Variants in MLF1 observed in about 807,000 individuals in gnomAD.
MLF1 encodes myeloid leukemia factor 1, also known as myelodysplasia-myeloid leukemia factor 1.
MLF1 carries 37 observed loss-of-function variants against 38.3 expected under a neutral mutation model. The ratio of observed to expected loss-of-function variants is 0.96; its 90% CI spans 0.74 to 1.27. MLF1 has a LOEUF of 1.27. MLF1 is among the 50% of genes most tolerant of loss of function. The pLI is 0.00. For synonymous variants in MLF1, 95 were observed against 106.5 expected, an observed-to-expected ratio of 0.89 and a Z score of 0.66; for missense variants, 331 against 349.2, an observed-to-expected ratio of 0.95 and a Z score of 0.42.
chr3:158,575,564 A>G (rs191697059), intron 1 of MLF1, among the ~76,000 whole-genome samples: 149 of 152,288 alleles, frequency 9.8e-4, no homozygotes, highest in Non-Finnish European at 1.2e-3. Flanking sequence ...AAAGGTGACA[A>G]ACTCCTTAAT....
At chr3:158,592,360 T>G in intron 1 of MLF1, 74 bp from the exon 2 acceptor site, 1 of 1,296,974 alleles carries the variant, frequency 7.7e-7, no homozygotes, top group Admixed American at 2.4e-5. Flanking sequence ...AATAATTATT[T>G]GTAATATTTA....
chr3:158,579,535 C>A (rs1261123865), intron 1 of MLF1, among the ~76,000 whole-genome samples: 2 of 152,154 alleles, frequency 1.3e-5, no homozygotes, highest in African/African-American at 2.4e-5. Flanking sequence ...ATTTGCTGAA[C>A]ATACACATAT....
At chr3:158,599,264 T>G (rs1247346217) in intron 5 of MLF1, among the ~76,000 whole-genome samples, 3 of 152,190 alleles carry the variant, frequency 2.0e-5, no homozygotes, top group African/African-American at 7.2e-5. Context: ...TATGTGTACT[T>G]TCCTCTTTAC....
At chr3:158,590,220 C>T (rs749502971) in intron 1 of MLF1, among the ~76,000 whole-genome samples, 7 of 152,136 alleles carry the variant, frequency 4.6e-5, no homozygotes, top group Non-Finnish European at 7.4e-5. Flanking sequence ...TTTGAAAAGA[C>T]GGTTCTATCA....
chr3:158,572,335 A>G, intron 1 of MLF1, among the ~76,000 whole-genome samples: 1 of 115,196 alleles, frequency 8.7e-6, no homozygotes, highest in African/African-American at 3.6e-5. Flanking sequence ...AAGTGCAGGG[A>G]CGAGGGTTGA....
At chr3:158,602,743 G>T (rs1288783427) in intron 6 of MLF1, 64 bp from the exon 7 acceptor site, 5 of 1,515,932 alleles carry the variant, frequency 3.3e-6, no homozygotes, top group Non-Finnish European at 4.5e-6. Context: ...ATATGTGGGA[G>T]CAAGGCAGTT....
At chr3:158,604,950 C>A in intron 7 of MLF1, 147 bp from the exon 8 acceptor site, 1 of 626,886 alleles carries the variant, frequency 1.6e-6, no homozygotes, top group Non-Finnish European at 2.7e-6. Context: ...GCCACCGCAC[C>A]TGGCCAGCCT....
intron 2 of MLF1, 46 bp from the exon 3 acceptor site, chr3:158,593,336 A>G (rs1248234754): frequency 9.2e-6 from 13 of 1,410,926 alleles, no homozygotes; most frequent in African/African-American, 5.7e-5. Flanking sequence ...AGAAACTTCT[A>G]TATAATAAAT....
chr3:158,578,910 C>G (rs553779632), intron 1 of MLF1, among the ~76,000 whole-genome samples: 2 of 152,030 alleles, frequency 1.3e-5, no homozygotes, highest in Non-Finnish European at 2.9e-5. Flanking sequence ...TTCCAAAATT[C>G]GGACCACACT....
chr3:158,605,143 AAT>A lies in MLF1; in HGVS notation c.794_795del (p.Asn265SerfsTer35), dbSNP rs1386118165. 3.1e-6 allele frequency: 5 copies of A among 1,613,820 alleles called. No individual in the cohort carries two copies. In the African/African-American group the frequency reaches 6.7e-5, roughly 22 times the overall value. Reference protein sequence around the residue: ...SPAIEHGRRSNVLGDKLHIKG... With the variant: ...SPAIEHGRRSXVLGDKLHIKG... The stretch of plus-strand genomic sequence containing the variant: ...AGCCATTGAACATGGAAGGAGATCA[AAT>A]GTTTTGGGGGACAAACTCCACATCA... On this transcript the variant is annotated frameshift_variant, in exon 8 of 8. Transcript: ENST00000466246. LOFTEE classifies it high-confidence loss of function.
intron 1 of MLF1, among the ~76,000 whole-genome samples, chr3:158,574,515 A>G (rs1257133022): frequency 2.1e-5 from 3 of 143,028 alleles, no homozygotes; most frequent in Non-Finnish European, 4.5e-5. Flanking sequence ...TAAAAAAAAA[A>G]AAAAAAAAAA....
Position 158,572,212 on chromosome 3 carries a change from G to T in MLF1, c.47+865G>T, listed in dbSNP as rs1335218341. Among the ~76,000 whole-genome samples the T allele has an allele frequency of 7.6e-5, 9 of 118,810 alleles. No homozygotes were observed. In the Admixed American group the frequency reaches 7.6e-4, roughly 10 times the overall value. 77.9% of individuals were successfully genotyped at this position (118,810 alleles called of 152,430 possible). Reference sequence around the variant, plus strand: ...TGAGGTGTGGGGGAGGGTTGAGGGTGTGAGGTGAGGGGAAGGAGGGTTTTG... The same window carrying T: ...TGAGGTGTGGGGGAGGGTTGAGGGTTTGAGGTGAGGGGAAGGAGGGTTTTG... On this transcript the variant is annotated intron_variant, in intron 1 of 7. Transcript: ENST00000466246.
chr3:158,599,165 A>T (rs1051468992), intron 5 of MLF1, among the ~76,000 whole-genome samples: 4 of 152,174 alleles, frequency 2.6e-5, no homozygotes, highest in African/African-American at 7.2e-5. Context: ...CTGTCAATAG[A>T]TATGTAGGTG....
chr3:158,595,858 C>A (rs1718801084), intron 3 of MLF1, among the ~76,000 whole-genome samples: 1 of 152,150 alleles, frequency 6.6e-6, no homozygotes, highest in Non-Finnish European at 1.5e-5. Context: ...CCAAGCAACT[C>A]ATTCTGTTTT....
intron 1 of MLF1, among the ~76,000 whole-genome samples, chr3:158,581,323 A>T (rs1716314483): frequency 6.6e-6 from 1 of 152,212 alleles, no homozygotes; most frequent in South Asian, 2.1e-4. Flanking sequence ...TCATGCTTCC[A>T]GCAGAAGAGA....
In MLF1 at chr3:158,593,392, G is replaced by C. The variant is rs1718447573; in HGVS notation, c.206G>C (p.Cys69Ser). The C allele has an allele frequency of 6.4e-7, 1 of 1,558,226 alleles. No individual in the cohort carries two copies. Among genetic ancestry groups the C allele is most frequent in the African/African-American group, 1.3e-5 (1 of 74,300 alleles). The change falls in exon 3 of 8, where the codon TGT becomes TCT. Residue 69 changes from cysteine (C) to serine (S), a missense_variant. Cys to Ser is a moderately radical substitution (Grantham distance 112, BLOSUM62 -1). Coordinates refer to ENST00000466246, the MANE Select transcript of MLF1 (RefSeq NM_001369783.1). ...ATATTATTTTTCCAGGCAACGAGTT[G>C]TTCTCTTGTGCCTTTTGGCGATTTT... ...DGEDSLTATS[C>S]SLVPFGDFGG...
chr3:158,572,816 G>C (rs1714739782), intron 1 of MLF1, among the ~76,000 whole-genome samples: 1 of 150,474 alleles, frequency 6.6e-6, no homozygotes, highest in African/African-American at 2.5e-5. Context: ...GTCGCAGGAG[G>C]ATGGTTGAGG....
chr3:158,586,151 T>TG (rs1368958204), intron 1 of MLF1, among the ~76,000 whole-genome samples: 1 of 141,230 alleles, frequency 7.1e-6, no homozygotes, highest in Non-Finnish European at 1.5e-5. Flanking sequence ...GCAGCAAGAG[T>TG]GAAACTCTGT....
intron 6 of MLF1, 41 bp downstream of exon 6, chr3:158,600,214 TA>T: frequency 7.8e-7 from 1 of 1,283,230 alleles, no homozygotes; most frequent in Non-Finnish European, 1.0e-6. Context: ...CTTATAAATT[TA>T]AAATAACAGC....
Sources: allele counts gnomAD v4.1 joint callset (sites outside exome capture counted in the v4.1 genomes callset), GRCh38; gene constraint gnomAD v4.1.1; transcripts MANE v1.5; gene names NCBI Gene and HGNC (gene_info 2026-07-23, HGNC 2026-07-21).